PDE6A: variants seen among roughly 807,000 people sequenced by gnomAD.
PDE6A encodes phosphodiesterase 6A, also known as rod cGMP-specific 3',5'-cyclic phosphodiesterase subunit alpha.
A neutral mutation model predicts 106.3 loss-of-function variants in PDE6A; 84 were observed. The ratio of observed to expected loss-of-function variants is 0.79; its 90% CI spans 0.66 to 0.95. The LOEUF (loss-of-function observed/expected upper bound fraction) is 0.95. Among genes scored for constraint, PDE6A ranks in the 40% least tolerant of loss-of-function variants. The pLI is 0.00. For missense variants in PDE6A, 1,052 were observed against 1,084.9 expected, an observed-to-expected ratio of 0.97 and a Z score of 0.43; for synonymous variants, 394 against 386.6, an observed-to-expected ratio of 1.02 and a Z score of -0.23.
chr5:149,927,998 C>G (rs1753910458), intron 4 of PDE6A, among the ~76,000 whole-genome samples: 1 of 151,546 alleles, frequency 6.6e-6, no homozygotes, highest in Admixed American at 6.6e-5. Flanking sequence ...GCTCCCATCT[C>G]CTATGATAAC....
intron 10 of PDE6A, among the ~76,000 whole-genome samples, chr5:149,897,027 T>C (rs1275376126): frequency 2.0e-5 from 3 of 152,230 alleles, no homozygotes; most frequent in Non-Finnish European, 4.4e-5. Flanking sequence ...CATCTGTAAG[T>C]TGAGGATAAT....
chr5:149,862,540 C>T (rs1396214080), intron 21 of PDE6A, among the ~76,000 whole-genome samples: 5 of 152,288 alleles, frequency 3.3e-5, no homozygotes, highest in Admixed American at 2.6e-4. Flanking sequence ...GGGTGGATCA[C>T]CTGAGGTCAG....
At position 149,866,227 on chromosome 5, in the gene PDE6A, A is replaced by G. The variant is rs201085169; in HGVS notation, c.2301T>C (p.Asp767=). ...PIPMMDRNKA[D]ELPKLQVGFI... Reference sequence around the variant, plus strand: ...AGCCGACTTGAAGCTTAGGGAGTTCATCTGCTTTGTTTCTGTCCATCATGG... The same window carrying G: ...AGCCGACTTGAAGCTTAGGGAGTTCGTCTGCTTTGTTTCTGTCCATCATGG... Residue 767 remains aspartate (D), a synonymous_variant, in exon 20 of 22, where the codon GAT becomes GAC. Transcript: ENST00000255266. 7.1e-4 allele frequency: 1,145 copies of G among 1,614,158 alleles called. 21 individuals are homozygous for G. The South Asian group carries it at 0.012, about 17-fold the overall frequency.
At chr5:149,931,484 A>G (rs1399516080) in intron 3 of PDE6A, among the ~76,000 whole-genome samples, 1 of 152,242 alleles carries the variant, frequency 6.6e-6, no homozygotes, top group Non-Finnish European at 1.5e-5. Flanking sequence ...TACAAAACTA[A>G]AATGAAAGAA....
intron 5 of PDE6A, among the ~76,000 whole-genome samples, chr5:149,920,614 A>G (rs1480007576): frequency 6.6e-6 from 1 of 152,164 alleles, no homozygotes; most frequent in Non-Finnish European, 1.5e-5. Context: ...GTGGCAAACT[A>G]GAGAACTCAG....
At chr5:149,871,337 G>A (rs754471533) in intron 17 of PDE6A, among the ~76,000 whole-genome samples, 2 of 152,188 alleles carry the variant, frequency 1.3e-5, no homozygotes, top group Non-Finnish European at 2.9e-5. Context: ...TCCCACACAT[G>A]CAGGTTAACA....
At chr5:149,928,511 C>T (rs537033218) in intron 4 of PDE6A, among the ~76,000 whole-genome samples, 1 of 152,088 alleles carries the variant, frequency 6.6e-6, no homozygotes, top group East Asian at 1.9e-4. Flanking sequence ...GTTGGGATTA[C>T]AGGCGTGAGC....
intron 13 of PDE6A, among the ~76,000 whole-genome samples, chr5:149,894,412 C>T (rs1166565356): frequency 6.6e-6 from 1 of 152,056 alleles, no homozygotes; most frequent in Non-Finnish European, 1.5e-5. Context: ...GGTTTGGAGG[C>T]ATCTCGAATG....
chr5:149,888,420 T>C (rs1752398370), intron 13 of PDE6A, among the ~76,000 whole-genome samples: 1 of 149,372 alleles, frequency 6.7e-6, no homozygotes, highest in African/African-American at 2.4e-5. Context: ...AATATAAGGA[T>C]ATATTAACAT....
At position 149,890,659 on chromosome 5, in the gene PDE6A, T is replaced by C. The variant is rs912220000; in HGVS notation, c.1729-4285A>G. On this transcript the variant is annotated intron_variant, in intron 13 of 21. Coordinates refer to ENST00000255266, the MANE Select transcript of PDE6A (RefSeq NM_000440.3). ...TTAACCATGACCATGTAAAGTCTTG[T>C]CATCCACAGGTGGTTTTTCACTCTG... Among the ~76,000 whole-genome samples, 18 of 152,284 alleles carry C rather than the reference T, an allele frequency of 1.2e-4. No homozygotes were observed. In the South Asian group the frequency reaches 3.5e-3, roughly 30 times the overall value.
At chr5:149,903,520 T>C in intron 8 of PDE6A, 128 bp downstream of exon 8, 1 of 763,792 alleles carries the variant, frequency 1.3e-6, no homozygotes, top group Non-Finnish European at 2.3e-6. Context: ...ACAGGAATTT[T>C]ATCCTGTCAT....
chr5:149,872,362 A>T (rs188866430), intron 17 of PDE6A, among the ~76,000 whole-genome samples: 1 of 152,340 alleles, frequency 6.6e-6, no homozygotes, highest in African/African-American at 2.4e-5. Context: ...TACTGTGATG[A>T]TCACATAAGA....
intron 1 of PDE6A, among the ~76,000 whole-genome samples, chr5:149,939,000 C>T (rs904187869): frequency 2.0e-5 from 3 of 152,336 alleles, no homozygotes; most frequent in African/African-American, 7.2e-5. Context: ...GTCTACACCA[C>T]CTTCCTTCTC....
intron 1 of PDE6A, among the ~76,000 whole-genome samples, chr5:149,938,881 G>A (rs1754254816): frequency 6.6e-6 from 1 of 152,176 alleles, no homozygotes; most frequent in Non-Finnish European, 1.5e-5. Flanking sequence ...CTACCTTTGT[G>A]ATTTCGCATT....
rs1222125779 is a variant in PDE6A, at chr5:149,860,260, A to T, written c.*635T>A. ...AGAAAATGTAAAAAGGACAGACGAA[A>T]TGCATGTAGCAAAATCTTGATATTG... On this transcript the variant is annotated 3_prime_UTR_variant, in exon 22 of 22. Coordinates refer to ENST00000255266, the MANE Select transcript of PDE6A (RefSeq NM_000440.3). 2 of 152,238 alleles carry T rather than the reference A, an allele frequency of 1.3e-5. No individual in the cohort carries two copies. The highest frequency in any genetic ancestry group is 6.5e-5 in the Admixed American group (1 of 15,274). The allele number at this position is 152,238 out of a possible 1,614,324, so 9.4% of individuals were successfully genotyped here.
At chr5:149,906,138 G>T (rs749768728) in intron 7 of PDE6A, among the ~76,000 whole-genome samples, 1 of 151,890 alleles carries the variant, frequency 6.6e-6, no homozygotes, top group South Asian at 2.1e-4. Context: ...GATTACAGGC[G>T]TGAGTCACTA....
chr5:149,883,941 C>G (rs1042429133), intron 16 of PDE6A, among the ~76,000 whole-genome samples: 4 of 151,980 alleles, frequency 2.6e-5, no homozygotes, highest in Middle Eastern at 3.4e-3. Flanking sequence ...GCCTGTAATC[C>G]CAATACTTTG....
At chr5:149,880,170 A>T (rs1487406993) in intron 17 of PDE6A, among the ~76,000 whole-genome samples, 2 of 151,930 alleles carry the variant, frequency 1.3e-5, no homozygotes, top group African/African-American at 2.4e-5. Context: ...TCTCATAAGA[A>T]TTTTTCAATC....
intron 6 of PDE6A, among the ~76,000 whole-genome samples, chr5:149,914,593 A>T (rs1279603307): frequency 6.6e-6 from 1 of 151,952 alleles, no homozygotes; most frequent in Non-Finnish European, 1.5e-5. Flanking sequence ...AATTTCCCAA[A>T]AAGTCCTGTT....
Sources: gnomAD v4.1 joint callset for allele counts (sites outside exome capture counted in the v4.1 genomes callset) on GRCh38, gnomAD v4.1.1 for gene constraint, MANE v1.5 for transcripts, NCBI Gene and HGNC (gene_info 2026-07-23, HGNC 2026-07-21) for gene names.